Variants in SRSF4 observed in about 807,000 individuals in gnomAD.
SRSF4 encodes serine and arginine rich splicing factor 4.
SRSF4 carries 12 observed loss-of-function variants against 48.8 expected under a neutral mutation model. The ratio of observed to expected loss-of-function variants is 0.25; its 90% CI spans 0.16 to 0.40. The LOEUF (loss-of-function observed/expected upper bound fraction) is 0.40, where lower values mean the gene tolerates loss of function less well. Ranked by LOEUF, SRSF4 falls within the 10% of genes least tolerant of loss-of-function variation. The probability of loss-of-function intolerance (pLI) is 1.00; values close to 1 mark genes in which losing one functional copy is unlikely to be tolerated. For missense variants in SRSF4, 466 were observed against 667.1 expected (o/e 0.70, Z 3.32); for synonymous variants, 248 against 232.5 (o/e 1.07, Z -0.61).
At chr1:29,175,759 A>G (rs895703495) in intron 1 of SRSF4, among the ~76,000 whole-genome samples, 12 of 151,042 alleles carry the variant, frequency 7.9e-5, no homozygotes, top group Admixed American at 3.3e-4. Flanking sequence ...TTGAAAATTA[A>G]GAGTGGGTCT....
At chr1:29,154,582 G>T in intron 4 of SRSF4, 114 bp downstream of exon 4, 1 of 999,858 alleles carries the variant, frequency 1.0e-6, no homozygotes, top group South Asian at 1.7e-5. Flanking sequence ...CTAAGTTATT[G>T]AACCAGATGG....
At chr1:29,167,736 T>C (rs548182723) in intron 1 of SRSF4, among the ~76,000 whole-genome samples, 1 of 152,330 alleles carries the variant, frequency 6.6e-6, no homozygotes, top group South Asian at 2.1e-4. Flanking sequence ...ACCTTCTCTT[T>C]TGATTATGAG....
At position 29,156,218 on chromosome 1, in the gene SRSF4, G is replaced by T. The variant is rs144241710; in HGVS notation, c.364-1308C>A. ...AAAATACAAAAATCAACCAGACGTG[G>T]TGGCAGGCGCTTGTAACCCCAGCTA... is the stretch of plus-strand genomic sequence containing the variant. On this transcript the variant is annotated intron_variant, in intron 3 of 5. Transcript: ENST00000373795. Among the ~76,000 whole-genome samples, 861 of 152,104 alleles carry T rather than the reference G, an allele frequency of 5.7e-3. 24 individuals are homozygous for T. The highest frequency in any genetic ancestry group is 0.028 in the East Asian group (143 of 5,170).
At chr1:29,149,996 C>T in intron 5 of SRSF4, 107 bp downstream of exon 5, 1 of 931,014 alleles carries the variant, frequency 1.1e-6, no homozygotes, top group Admixed American at 1.9e-5. Flanking sequence ...CCACTGGACT[C>T]CAGCTTGGGT....
chr1:29,153,507 C>T (rs1463004729), intron 4 of SRSF4, among the ~76,000 whole-genome samples: 4 of 151,846 alleles, frequency 2.6e-5, no homozygotes, highest in Admixed American at 2.0e-4. Context: ...TGTTCAGGTG[C>T]TAAGTAAGAC....
intron 1 of SRSF4, chr1:29,169,636 A>T (rs1038600287): frequency 6.6e-6 from 1 of 152,224 alleles, no homozygotes; most frequent in Admixed American, 6.5e-5. Context: ...GAACACAAAT[A>T]TATCAGTGGG....
chr1:29,161,378 C>A (rs1672592244), intron 1 of SRSF4, among the ~76,000 whole-genome samples: 2 of 114,520 alleles, frequency 1.7e-5, no homozygotes, highest in African/African-American at 3.0e-5. Context: ...AGCTTTGTGA[C>A]CATTGCCTAT....
rs1404165419 is a variant in SRSF4, at chr1:29,148,820, TCTTCCTGCC to T, written c.1066_1074del (p.Gly356_Lys358del). On this transcript the variant is annotated inframe_deletion, in exon 6 of 6. Coordinates refer to ENST00000373795, the MANE Select transcript of SRSF4 (RefSeq NM_005626.5). ...CGACTGCGGCTCTCCTCTCTGCTTC[TCTTCCTGCC>T]CTTCCTCTTGTCCTTGCTCTTGCTG... is the stretch of plus-strand genomic sequence containing the variant. 1.2e-6 allele frequency: 2 copies of T among 1,608,720 alleles called. No homozygotes were observed. The highest frequency in any genetic ancestry group is 2.7e-5 in the African/African-American group (2 of 74,738).
Position 29,148,093 on chromosome 1 carries a change from C to A in SRSF4, c.*317G>T, listed in dbSNP as rs1413904696. ...CACCATACCTACCTATGTGGTCATT[C>A]CAGCCTTAGAGCCGTCCAGGTTACT... is the stretch of plus-strand genomic sequence containing the variant. On this transcript the variant is annotated 3_prime_UTR_variant, in exon 6 of 6. Coordinates refer to ENST00000373795, the MANE Select transcript of SRSF4 (RefSeq NM_005626.5). 1 of 530,646 alleles carries A rather than the reference C, an allele frequency of 1.9e-6. No individual in the cohort carries two copies. Among genetic ancestry groups the A allele is most frequent in the Admixed American group, 2.2e-5 (1 of 44,598 alleles). 32.9% of individuals were successfully genotyped at this position (530,646 alleles called of 1,614,324 possible). A position where few individuals can be genotyped will look rare whatever the true frequency, so the allele number is the denominator to read the frequency against.
intron 1 of SRSF4, among the ~76,000 whole-genome samples, chr1:29,167,461 T>G (rs1672684019): frequency 6.6e-6 from 1 of 152,256 alleles, no homozygotes; most frequent in Non-Finnish European, 1.5e-5. Context: ...CTTGGCTCAC[T>G]GCAGCCTCCA....
intron 1 of SRSF4, among the ~76,000 whole-genome samples, chr1:29,163,035 C>A (rs952235759): frequency 6.6e-6 from 1 of 152,180 alleles, no homozygotes; most frequent in African/African-American, 2.4e-5. Flanking sequence ...ACAATCTGTT[C>A]AGTGGAGGCA....
At chr1:29,158,593 C>T (rs944320340) in intron 3 of SRSF4, among the ~76,000 whole-genome samples, 13 of 152,058 alleles carry the variant, frequency 8.5e-5, no homozygotes, top group African/African-American at 3.1e-4. Context: ...CCACGCCCGG[C>T]TAATTTTTGT....
intron 1 of SRSF4, among the ~76,000 whole-genome samples, chr1:29,176,639 T>C (rs1315289272): frequency 6.6e-6 from 1 of 152,196 alleles, no homozygotes; most frequent in Non-Finnish European, 1.5e-5. Flanking sequence ...GGGTTGGCAG[T>C]AATTCTTCTC....
At chr1:29,180,635 C>T (rs1472460615) in intron 1 of SRSF4, among the ~76,000 whole-genome samples, 1 of 152,132 alleles carries the variant, frequency 6.6e-6, no homozygotes, top group East Asian at 1.9e-4. Flanking sequence ...TTCTCTAACA[C>T]CCAAGGTTTA....
rs1157186479 is a variant in SRSF4, at chr1:29,181,887, G to C, written c.-135C>G. 8.3e-6 allele frequency: 5 copies of C among 604,464 alleles called. No homozygotes were observed. Among genetic ancestry groups the C allele is most frequent in the South Asian group, 7.5e-5 (2 of 26,572 alleles). The allele number at this position is 604,464 out of a possible 1,614,324, so 37.4% of individuals were successfully genotyped here. ...ACGGACGCAGCCGAACCCCGGCGAC[G>C]TACGCGAGCACGCAGCTCGCGAGCG... is the stretch of plus-strand genomic sequence containing the variant. On this transcript the variant is annotated 5_prime_UTR_variant, in exon 1 of 6. Transcript: ENST00000373795.
chr1:29,157,554 G>GA (rs887613529), intron 3 of SRSF4, among the ~76,000 whole-genome samples: 2 of 152,226 alleles, frequency 1.3e-5, no homozygotes, highest in Admixed American at 6.5e-5. Flanking sequence ...TGATGCACCT[G>GA]AAAAAACAGC....
intron 1 of SRSF4, among the ~76,000 whole-genome samples, chr1:29,174,225 A>T (rs1301730439): frequency 7.0e-6 from 1 of 142,228 alleles, no homozygotes; most frequent in Non-Finnish European, 1.5e-5. Context: ...AAAAAAAAAT[A>T]GGAGCTCTTA....
chr1:29,153,560 G>A (rs1344404182), intron 4 of SRSF4, among the ~76,000 whole-genome samples: 1 of 152,016 alleles, frequency 6.6e-6, no homozygotes, highest in Non-Finnish European at 1.5e-5. Flanking sequence ...TAGGATCTAG[G>A]GGTCCCAAGA....
chr1:29,181,744 C>T lies in SRSF4; in HGVS notation c.9G>A (p.Arg3=), dbSNP rs1478602698. ...GGTAGCTCAGGCGGCCGATGTACACCCGCGGCATCCCGGCAACGGCAGTGA... is the reference window on the plus strand; with the variant it reads ...GGTAGCTCAGGCGGCCGATGTACACTCGCGGCATCCCGGCAACGGCAGTGA... The part of the protein sequence containing the change: MP[R]VYIGRLSYQA... The change falls in exon 1 of 6, where the codon CGG becomes CGA. Residue 3 remains arginine (R), a synonymous_variant. Transcript: ENST00000373795. 1.1e-5 allele frequency: 18 copies of T among 1,580,322 alleles called. No individual in the cohort carries two copies. The highest frequency in any genetic ancestry group is 1.5e-5 in the Non-Finnish European group (18 of 1,167,440).
Sources: allele counts gnomAD v4.1 joint callset (sites outside exome capture counted in the v4.1 genomes callset), GRCh38; gene constraint gnomAD v4.1.1; transcripts MANE v1.5; gene names NCBI Gene and HGNC (gene_info 2026-07-23, HGNC 2026-07-21).